The following CUL5 variants were observed in gnomAD, a reference collection of about 807,000 sequenced individuals.
CUL5 encodes cullin 5, also known as cullin-5.
Under a neutral mutation model 108.8 loss-of-function variants are expected in CUL5, and 26 were observed. The observed-to-expected ratio is 0.24, with a 90% CI of 0.18 to 0.33. CUL5 has a LOEUF of 0.33. CUL5 is among the 10% of genes least tolerant of loss of function. CUL5 has a pLI of 1.00. For synonymous variants in CUL5, 334 were observed against 298.0 expected, an observed-to-expected ratio of 1.12 and a Z score of -1.25; for missense variants, 524 against 909.2, an observed-to-expected ratio of 0.58 and a Z score of 5.45.
intron 8 of CUL5, among the ~76,000 whole-genome samples, chr11:108,071,185 A>G (rs1210255811): frequency 2.0e-5 from 3 of 152,224 alleles, no homozygotes; most frequent in Non-Finnish European, 4.4e-5. Context: ...ATGGCTGTAT[A>G]TGTAGTATTA....
chr11:108,098,003 TTGTGCTC>T (rs1203222474), intron 17 of CUL5, among the ~76,000 whole-genome samples: 1 of 152,226 alleles, frequency 6.6e-6, no homozygotes, highest in Non-Finnish European at 1.5e-5. Context: ...TGATATCTTT[TTGTGCTC>T]TAAAGCAACT....
intron 11 of CUL5, among the ~76,000 whole-genome samples, chr11:108,086,332 G>A (rs1358551831): frequency 6.6e-6 from 1 of 152,232 alleles, no homozygotes; most frequent in Non-Finnish European, 1.5e-5. Context: ...TAGCTAGCTT[G>A]TAATCCCAGC....
At chr11:108,103,023 T>G (rs1410053316) in intron 18 of CUL5, among the ~76,000 whole-genome samples, 2 of 152,050 alleles carry the variant, frequency 1.3e-5, no homozygotes, top group Non-Finnish European at 2.9e-5. Flanking sequence ...CTCAAACTCC[T>G]GGACTCAAGC....
At position 108,054,665 on chromosome 11, in the gene CUL5, C is replaced by T; in HGVS notation, c.572C>T (p.Pro191Leu). Reference sequence around the variant, plus strand: ...TTTTCAGTTAACCTTTGTTCTAATCCTGAGGATAAACTTCAAATTTATAGG... The same window carrying T: ...TTTTCAGTTAACCTTTGTTCTAATCTTGAGGATAAACTTCAAATTTATAGG... ...RESYVNLCSN[P>L]EDKLQIYRDN... The change falls in exon 6 of 19, where the codon CCT becomes CTT. Residue 191 changes from proline to leucine, a missense_variant. Physicochemically the swap from Pro to Leu is moderately conservative, Grantham distance 98 (BLOSUM62 -3). Around this residue, in one of 8 missense-constraint regions of CUL5, gnomAD observed 170 missense variants for 305.1 expected, o/e 0.56. Coordinates refer to ENST00000393094, the MANE Select transcript of CUL5 (RefSeq NM_003478.6). 2 of 1,591,142 alleles carry T rather than the reference C, an allele frequency of 1.3e-6. No individual in the cohort carries two copies. The highest frequency in any genetic ancestry group is 1.7e-6 in the Non-Finnish European group (2 of 1,163,004).
chr11:108,016,678 G>A (rs186359941), intron 1 of CUL5, among the ~76,000 whole-genome samples: 2 of 152,302 alleles, frequency 1.3e-5, no homozygotes, highest in Admixed American at 6.5e-5. Flanking sequence ...AAGGAAAGCA[G>A]GGCTGGGTGC....
At chr11:108,070,654 A>AC (rs1350658450) in intron 8 of CUL5, among the ~76,000 whole-genome samples, 1 of 152,152 alleles carries the variant, frequency 6.6e-6, no homozygotes. Context: ...TTTTCTTAAA[A>AC]AGATGTGTTT....
intron 10 of CUL5, among the ~76,000 whole-genome samples, chr11:108,074,761 G>A (rs1345964345): frequency 3.3e-5 from 5 of 152,028 alleles, no homozygotes; most frequent in South Asian, 2.1e-4. Context: ...AGCTGAGATC[G>A]TGCCATTGCA....
chr11:108,077,860 A>T (rs1311080842), intron 10 of CUL5, among the ~76,000 whole-genome samples: 2 of 152,088 alleles, frequency 1.3e-5, no homozygotes, highest in Non-Finnish European at 2.9e-5. Flanking sequence ...AAGACAGGAG[A>T]ATCACTTGAA....
chr11:108,010,329 C>CA (rs1225471592), intron 1 of CUL5, among the ~76,000 whole-genome samples: 1 of 152,218 alleles, frequency 6.6e-6, no homozygotes, highest in African/African-American at 2.4e-5. Flanking sequence ...TGCCTTCAGG[C>CA]AATGTGGATG....
In CUL5 at chr11:108,105,554, T is replaced by G. The variant is rs1475135877; in HGVS notation, c.*1170T>G. The G allele has an allele frequency of 6.6e-6, 1 of 152,214 alleles. No individual in the cohort carries two copies. The highest frequency in any genetic ancestry group is 2.4e-5 in the African/African-American group (1 of 41,424). The allele number at this position is 152,214 out of a possible 1,614,324, so 9.4% of individuals were successfully genotyped here. ...TATTTATATATTTTAAAAATAAACA[T>G]TTTTTAAATCGTCAGAAGGCAACAT... On this transcript the variant is annotated 3_prime_UTR_variant, in exon 19 of 19. Coordinates refer to ENST00000393094, the MANE Select transcript of CUL5 (RefSeq NM_003478.6).
intron 1 of CUL5, among the ~76,000 whole-genome samples, chr11:108,028,709 A>G (rs2135073885): frequency 1.3e-5 from 2 of 152,150 alleles, no homozygotes; most frequent in South Asian, 4.2e-4. Flanking sequence ...GGTGGTGCAC[A>G]CCTGTAATCC....
At chr11:108,077,450 T>A (rs765476237) in intron 10 of CUL5, among the ~76,000 whole-genome samples, 4 of 151,866 alleles carry the variant, frequency 2.6e-5, no homozygotes, top group Non-Finnish European at 5.9e-5. Context: ...GTCAACATGA[T>A]GAAACCCTGT....
intron 2 of CUL5, 72 bp downstream of exon 2, chr11:108,033,983 A>G (rs1377661503): frequency 6.8e-6 from 6 of 880,540 alleles, no homozygotes; most frequent in Non-Finnish European, 7.5e-6. Flanking sequence ...CCCAAATGGA[A>G]TGTGTAACTC....
intron 1 of CUL5, among the ~76,000 whole-genome samples, chr11:108,023,794 T>C (rs1315869716): frequency 6.6e-6 from 1 of 152,226 alleles, no homozygotes; most frequent in Admixed American, 6.5e-5. Flanking sequence ...TTTCAAAAAA[T>C]ACAAGTATTG....
chr11:108,030,481 T>C (rs1862553559), intron 1 of CUL5, among the ~76,000 whole-genome samples: 1 of 152,044 alleles, frequency 6.6e-6, no homozygotes, highest in Non-Finnish European at 1.5e-5. Flanking sequence ...CTACAAAAAA[T>C]ACAAAATTAG....
Position 108,009,263 on chromosome 11 carries a change from T to C in CUL5, c.-86T>C, listed in dbSNP as rs1337816675. ...GTGCGGGCCGACGGGCCCTGGGCCC[T>C]GGTGGGAGCTCCGGCCTCCGGTCAA... is the stretch of plus-strand genomic sequence containing the variant. On this transcript the variant is annotated 5_prime_UTR_variant, in exon 1 of 19. Coordinates refer to ENST00000393094, the MANE Select transcript of CUL5 (RefSeq NM_003478.6). 9 of 1,498,906 alleles carry C rather than the reference T, an allele frequency of 6.0e-6. No individual in the cohort carries two copies. The highest frequency in any genetic ancestry group is 8.3e-6 in the Non-Finnish European group (9 of 1,081,862). 92.9% of individuals were successfully genotyped at this position (1,498,906 alleles called of 1,614,324 possible).
rs1864805854 is a variant in CUL5, at chr11:108,106,540, T to C, written c.*2156T>C. On this transcript the variant is annotated 3_prime_UTR_variant, in exon 19 of 19. Coordinates refer to ENST00000393094, the MANE Select transcript of CUL5 (RefSeq NM_003478.6). ...AAATACTGTAAATGTACAGTTTTCT[T>C]TTTTTTTTTTTTTTGGTTATGTATA... 1.5e-3 allele frequency: 1 copy of C among 678 alleles called. No homozygotes were observed. The highest frequency in any genetic ancestry group is 0.036 in the Non-Finnish European group (1 of 28). 0.0% of individuals were successfully genotyped at this position (678 alleles called of 1,614,324 possible).
At chr11:108,040,884 C>G (rs1043250209) in intron 2 of CUL5, among the ~76,000 whole-genome samples, 2 of 152,180 alleles carry the variant, frequency 1.3e-5, no homozygotes, top group African/African-American at 2.4e-5. Context: ...CAAATCCCTT[C>G]TAAATTTGAC....
intron 11 of CUL5, among the ~76,000 whole-genome samples, chr11:108,082,412 C>G (rs983196235): frequency 6.6e-6 from 1 of 151,876 alleles, no homozygotes; most frequent in Non-Finnish European, 1.5e-5. Flanking sequence ...ACCTGAGTAG[C>G]TAGGACCACA....
Sources: allele counts gnomAD v4.1 joint callset (sites outside exome capture counted in the v4.1 genomes callset), GRCh38; gene constraint gnomAD v4.1.1; regional missense constraint gnomAD v4.1.1; transcripts MANE v1.5; gene names NCBI Gene and HGNC (gene_info 2026-07-23, HGNC 2026-07-21).